SUPT3H: variants seen among roughly 807,000 people sequenced by gnomAD.
SUPT3H encodes transcription initiation protein SPT3 homolog.
Under a neutral mutation model 44.3 loss-of-function variants are expected in SUPT3H, and 44 were observed. That is an observed-to-expected ratio of 0.99 (90% CI 0.78 to 1.28). SUPT3H has a LOEUF of 1.28. Among genes scored for constraint, SUPT3H ranks in the 50% most tolerant of loss-of-function variants. The pLI, the probability that SUPT3H is intolerant of heterozygous loss-of-function variation, is 0.00. For missense variants in SUPT3H, 380 were observed against 387.1 expected (o/e 0.98, Z 0.15); for synonymous variants, 124 against 125.6 (o/e 0.99, Z 0.09).
intron 2 of SUPT3H, among the ~76,000 whole-genome samples, chr6:45,286,696 G>GAA (rs1258810998): frequency 6.6e-6 from 1 of 152,154 alleles, no homozygotes; most frequent in African/African-American, 2.4e-5. Context: ...ATTCCTCAGG[G>GAA]ATCTTGAACT....
At chr6:44,983,480 C>T (rs563881497) in intron 6 of SUPT3H, among the ~76,000 whole-genome samples, 8 of 152,044 alleles carry the variant, frequency 5.3e-5, no homozygotes, top group Non-Finnish European at 8.8e-5. Context: ...CATATCCTAT[C>T]CCATTAACTG....
chr6:44,932,379 A>C (rs1770720002), intron 10 of SUPT3H, among the ~76,000 whole-genome samples: 1 of 152,206 alleles, frequency 6.6e-6, no homozygotes, highest in Non-Finnish European at 1.5e-5. Flanking sequence ...ACGTTTTATA[A>C]ACCTAAGCTT....
At chr6:45,024,863 C>T (rs1373500245) in intron 3 of SUPT3H, among the ~76,000 whole-genome samples, 2 of 152,144 alleles carry the variant, frequency 1.3e-5, no homozygotes, top group African/African-American at 2.4e-5. Flanking sequence ...CAACTTCTGT[C>T]TGAATGCATA....
At chr6:45,314,702 T>A (rs1448504971) in intron 2 of SUPT3H, among the ~76,000 whole-genome samples, 1 of 151,972 alleles carries the variant, frequency 6.6e-6, no homozygotes, top group Non-Finnish European at 1.5e-5. Flanking sequence ...ATTGTGAAAA[T>A]CATCATACTG....
intron 6 of SUPT3H, 24 bp downstream of exon 6, chr6:45,003,629 T>A: frequency 6.2e-7 from 1 of 1,609,356 alleles, no homozygotes; most frequent in South Asian, 1.1e-5. Context: ...TCTATTTCTG[T>A]AAAAAGGGAA....
At chr6:44,937,337 T>TA (rs961451456) in intron 9 of SUPT3H, among the ~76,000 whole-genome samples, 7 of 151,714 alleles carry the variant, frequency 4.6e-5, no homozygotes, top group Admixed American at 6.6e-5. Flanking sequence ...ACTAAAAATA[T>TA]AAAAAAATTA....
chr6:45,107,981 A>C (rs1214216691), intron 2 of SUPT3H, among the ~76,000 whole-genome samples: 2 of 152,264 alleles, frequency 1.3e-5, no homozygotes, highest in African/African-American at 4.8e-5. Context: ...GAAATGAAAA[A>C]TATAATAGCA....
chr6:44,917,035 T>A (rs1022484914), intron 10 of SUPT3H, among the ~76,000 whole-genome samples: 3 of 152,038 alleles, frequency 2.0e-5, no homozygotes, highest in African/African-American at 4.8e-5. Flanking sequence ...ACGTCTGTAG[T>A]CCCAGCTATT....
rs75464171 is a variant in SUPT3H at position 45,044,931 on chromosome 6, T to G, written c.187-24299A>C. 8.3e-3 allele frequency among the ~76,000 whole-genome samples: 1,268 copies of G among 152,292 alleles called. 5 individuals are homozygous for G. Among genetic ancestry groups the G allele is most frequent in the Middle Eastern group, 0.014 (4 of 294 alleles). On this transcript the variant is annotated intron_variant, in intron 3 of 10. Transcript: ENST00000371459. ...TGTTACAAATTGTCAGTGAAGGACT[T>G]TCTCAAAGCTTTAATCATATAAATA...
chr6:45,376,932 G>A (rs1011729673), intron 1 of SUPT3H, among the ~76,000 whole-genome samples: 5 of 151,188 alleles, frequency 3.3e-5, no homozygotes, highest in Non-Finnish European at 5.9e-5. Flanking sequence ...TCTTTCTACC[G>A]AAATAACTTA....
At chr6:44,880,257 C>T (rs1778004541) in intron 10 of SUPT3H, among the ~76,000 whole-genome samples, 1 of 151,994 alleles carries the variant, frequency 6.6e-6, no homozygotes, top group Non-Finnish European at 1.5e-5. Context: ...CTGAAAAACA[C>T]AGCATGAGAA....
intron 3 of SUPT3H, among the ~76,000 whole-genome samples, chr6:45,045,863 T>C (rs1789311433): frequency 6.6e-6 from 1 of 152,200 alleles, no homozygotes; most frequent in South Asian, 2.1e-4. Flanking sequence ...GCCTGTAAGC[T>C]GCCTTTTCAT....
chr6:45,212,251 C>T (rs566560324), intron 2 of SUPT3H, among the ~76,000 whole-genome samples: 22 of 152,148 alleles, frequency 1.4e-4, no homozygotes, highest in Non-Finnish European at 2.1e-4. Context: ...GCTTAAAAAT[C>T]ATGCTTCATT....
In SUPT3H at chr6:45,233,531, G is replaced by A. The variant is rs75632837; in HGVS notation, c.102-127525C>T. Among the ~76,000 whole-genome samples, 1,316 of 152,272 alleles carry A rather than the reference G, an allele frequency of 8.6e-3. 17 individuals are homozygous for A. Among genetic ancestry groups the A allele is most frequent in the African/African-American group, 0.03 (1,228 of 41,540 alleles). ...GGTTCCAACCACAGTACTGTGCAGT[G>A]GCAATGTTAACTGCTGAGGTTCTCT... On this transcript the variant is annotated intron_variant, in intron 2 of 10. Transcript: ENST00000371459.
intron 5 of SUPT3H, among the ~76,000 whole-genome samples, chr6:45,006,170 C>T (rs937424291): frequency 3.3e-5 from 5 of 151,920 alleles, no homozygotes; most frequent in Admixed American, 1.3e-4. Context: ...TTTGTGTATG[C>T]ATTTATTTAC....
intron 2 of SUPT3H, among the ~76,000 whole-genome samples, chr6:45,345,692 A>C (rs1242876770): frequency 6.6e-6 from 1 of 152,200 alleles, no homozygotes; most frequent in Non-Finnish European, 1.5e-5. Context: ...AGGTCTTTCC[A>C]CAGCCAACTC....
rs180809605 is a variant in SUPT3H at position 45,116,235 on chromosome 6, A to G, written c.102-10229T>C. Among the ~76,000 whole-genome samples, 172 of 152,182 alleles carry G rather than the reference A, an allele frequency of 1.1e-3. 1 individual carries two copies. Among genetic ancestry groups the G allele is most frequent in the African/African-American group, 4.0e-3 (166 of 41,542 alleles). ...CCTCCCTTCCTCTCCTTCTTCTCAC[A>G]TTTTATTTTGAAAGATTCCTAACCA... On this transcript the variant is annotated intron_variant, in intron 2 of 10. Coordinates refer to ENST00000371459, the MANE Select transcript of SUPT3H (RefSeq NM_003599.4).
At chr6:45,281,406 T>C (rs567155342) in intron 2 of SUPT3H, among the ~76,000 whole-genome samples, 1 of 152,204 alleles carries the variant, frequency 6.6e-6, no homozygotes, top group Non-Finnish European at 1.5e-5. Flanking sequence ...TACTGCGCTT[T>C]TCCAATGGTC....
chr6:44,846,450 C>A (rs752849118), intron 10 of SUPT3H, among the ~76,000 whole-genome samples: 3 of 152,030 alleles, frequency 2.0e-5, no homozygotes, highest in Non-Finnish European at 4.4e-5. Flanking sequence ...AACCTCAGAG[C>A]CCTTCAATAA....
Sources: allele counts gnomAD v4.1 joint callset (sites outside exome capture counted in the v4.1 genomes callset), GRCh38; gene constraint gnomAD v4.1.1; transcripts MANE v1.5; gene names NCBI Gene and HGNC (gene_info 2026-07-23, HGNC 2026-07-21).